TRABD2B: variants seen among roughly 807,000 people sequenced by gnomAD.
The protein encoded by TRABD2B is metalloprotease TIKI2.
Under a neutral mutation model 40.1 loss-of-function variants are expected in TRABD2B, and 14 were observed. The ratio of observed to expected loss-of-function variants is 0.35; its 90% CI spans 0.23 to 0.55. The LOEUF (loss-of-function observed/expected upper bound fraction) is 0.55. Among genes scored for constraint, TRABD2B ranks in the 20% least tolerant of loss-of-function variants. The probability of loss-of-function intolerance (pLI) is 0.90; values close to 1 mark genes in which losing one functional copy is unlikely to be tolerated. For missense variants in TRABD2B, 541 were observed against 648.6 expected (o/e 0.83, Z 1.80); for synonymous variants, 263 against 277.0 (o/e 0.95, Z 0.50).
intron 2 of TRABD2B, among the ~76,000 whole-genome samples, chr1:47,993,636 G>A (rs1352869765): frequency 2.0e-5 from 3 of 152,096 alleles, no homozygotes; most frequent in Non-Finnish European, 4.4e-5. Flanking sequence ...CTTGGGCACT[G>A]TCCACACACC....
At chr1:47,896,218 C>T (rs1373746100) in intron 2 of TRABD2B, among the ~76,000 whole-genome samples, 1 of 152,194 alleles carries the variant, frequency 6.6e-6, no homozygotes, top group Non-Finnish European at 1.5e-5. Context: ...CACAAAGGGA[C>T]ATTCACAGGA....
At chr1:47,918,642 T>C (rs774747693) in intron 2 of TRABD2B, among the ~76,000 whole-genome samples, 4 of 152,186 alleles carry the variant, frequency 2.6e-5, no homozygotes, top group Non-Finnish European at 5.9e-5. Context: ...CACGTGGAAC[T>C]GTGCACCCAG....
intron 2 of TRABD2B, among the ~76,000 whole-genome samples, chr1:47,913,485 C>T (rs572037487): frequency 6.6e-6 from 1 of 152,322 alleles, no homozygotes; most frequent in Admixed American, 6.5e-5. Context: ...TACCCAGTGC[C>T]TATTTTGCAC....
chr1:47,924,789 G>A (rs2124745697), intron 2 of TRABD2B, among the ~76,000 whole-genome samples: 1 of 152,312 alleles, frequency 6.6e-6, no homozygotes, highest in East Asian at 1.9e-4. Context: ...CTTCCTCTGG[G>A]GCCATCTAGG....
At chr1:47,933,090 A>C (rs983042358) in intron 2 of TRABD2B, among the ~76,000 whole-genome samples, 2 of 144,940 alleles carry the variant, frequency 1.4e-5, no homozygotes, top group African/African-American at 5.1e-5. Flanking sequence ...GCCCTCCGTG[A>C]GCCCCCATCT....
chr1:47,854,254 A>G (rs1643868031), intron 2 of TRABD2B, among the ~76,000 whole-genome samples: 1 of 152,188 alleles, frequency 6.6e-6, no homozygotes, highest in Non-Finnish European at 1.5e-5. Context: ...AGGGTCAGTC[A>G]TGCTACCTCT....
intron 2 of TRABD2B, among the ~76,000 whole-genome samples, chr1:47,816,889 C>A (rs12076330): frequency 0.31 from 47,452 of 152,076 alleles, 7,760 homozygotes; most frequent in Non-Finnish European, 0.37. Context: ...AAGTGACTTT[C>A]CTGAGGTCAC....
Position 47,894,722 on chromosome 1 carries a change from C to A in TRABD2B, c.667-93103G>T, listed in dbSNP as rs904446093. ...TGAGTGCTGGTAGTGAAGGAGGACA[C>A]TTCCAGTAGCAGAATGAACAAGCCA... On this transcript the variant is annotated intron_variant, in intron 2 of 6. Transcript: ENST00000606738. Among the ~76,000 whole-genome samples, 31 of 152,184 alleles carry A rather than the reference C, an allele frequency of 2.0e-4. 1 individual carries two copies. The highest frequency in any genetic ancestry group is 7.2e-4 in the African/African-American group (30 of 41,428).
At chr1:47,946,315 G>A (rs1645259446) in intron 2 of TRABD2B, among the ~76,000 whole-genome samples, 1 of 152,008 alleles carries the variant, frequency 6.6e-6, no homozygotes, top group Non-Finnish European at 1.5e-5. Context: ...AATTTGCTTT[G>A]TCTCTGATCT....
chr1:47,769,897 G>A (rs1295224772), intron 6 of TRABD2B, among the ~76,000 whole-genome samples: 1 of 152,172 alleles, frequency 6.6e-6, no homozygotes, highest in Admixed American at 6.5e-5. Flanking sequence ...ACAGACCCGT[G>A]GACTTTAAAA....
chr1:47,939,965 C>A (rs1051134181), intron 2 of TRABD2B, among the ~76,000 whole-genome samples: 1 of 152,314 alleles, frequency 6.6e-6, no homozygotes, highest in African/African-American at 2.4e-5. Flanking sequence ...CCTTGCAGAG[C>A]TCCCAATGCC....
At position 47,762,266 on chromosome 1, in the gene TRABD2B, G is replaced by A. The variant is rs1048549070; in HGVS notation, c.*3636C>T. 3.3e-5 allele frequency: 5 copies of A among 152,180 alleles called. No homozygotes were observed. The highest frequency in any genetic ancestry group is 9.7e-5 in the African/African-American group (4 of 41,414). The allele number at this position is 152,180 out of a possible 1,614,324, so 9.4% of individuals were successfully genotyped here. A position where few individuals can be genotyped will look rare whatever the true frequency, so the allele number is the denominator to read the frequency against. The stretch of plus-strand genomic sequence containing the variant: ...GAGACGTGGCTGGTCAGCAGGGTTG[G>A]GTCACGAAGGGTCTAGCGGACACTT... On this transcript the variant is annotated 3_prime_UTR_variant, in exon 7 of 7. Transcript: ENST00000606738.
chr1:47,906,475 G>C (rs137951537), intron 2 of TRABD2B, among the ~76,000 whole-genome samples: 10 of 152,340 alleles, frequency 6.6e-5, no homozygotes, highest in South Asian at 2.1e-4. Flanking sequence ...GCCTTTCTGA[G>C]AACCCAGGAA....
chr1:47,802,909 A>C (rs1408247055), intron 2 of TRABD2B, among the ~76,000 whole-genome samples: 1 of 152,154 alleles, frequency 6.6e-6, no homozygotes, highest in Non-Finnish European at 1.5e-5. Flanking sequence ...CTAGCTCTTG[A>C]GTAGAGCCTC....
chr1:47,819,910 C>G (rs1038830926), intron 2 of TRABD2B: 3 of 152,126 alleles, frequency 2.0e-5, no homozygotes, highest in Admixed American at 6.5e-5. Flanking sequence ...GTGGCTGGCA[C>G]CTTCTGCATG....
At chr1:47,969,093 A>G (rs1289181533) in intron 2 of TRABD2B, among the ~76,000 whole-genome samples, 1 of 152,218 alleles carries the variant, frequency 6.6e-6, no homozygotes, top group Admixed American at 6.5e-5. Flanking sequence ...CCAAGATTTC[A>G]GGAAGCCACT....
At chr1:47,990,768 GTTTTATATATATAT>G (rs1557699441) in intron 2 of TRABD2B, among the ~76,000 whole-genome samples, 2 of 44,934 alleles carry the variant, frequency 4.5e-5, no homozygotes, top group African/African-American at 1.1e-4. Flanking sequence ...TAAAACGTTG[GTTTTATATATATAT>G]ATATATATAT....
chr1:47,925,330 A>T (rs1253945437), intron 2 of TRABD2B, among the ~76,000 whole-genome samples: 1 of 152,248 alleles, frequency 6.6e-6, no homozygotes, highest in East Asian at 1.9e-4. Flanking sequence ...TTAAGGAATT[A>T]AATTGAAAAA....
rs146081547 is a variant in TRABD2B at position 47,993,893 on chromosome 1, C to A, written c.666+141G>T. On this transcript the variant is annotated intron_variant, in intron 2 of 6. Coordinates refer to ENST00000606738, the MANE Select transcript of TRABD2B (RefSeq NM_001194986.2). ...ACCAGAGCAGCCAGGTGCTGCCTCGCTGCCCAGCAGAACCTCTCCTTCCAG... is the reference window on the plus strand; with the variant it reads ...ACCAGAGCAGCCAGGTGCTGCCTCGATGCCCAGCAGAACCTCTCCTTCCAG... The A allele has an allele frequency of 7.6e-3, 6,355 of 841,488 alleles. 46 individuals carry two copies. The highest frequency in any genetic ancestry group is 0.02 in the South Asian group (1,085 of 55,402). 52.1% of individuals were successfully genotyped at this position (841,488 alleles called of 1,614,324 possible). A position where few individuals can be genotyped will look rare whatever the true frequency, so the allele number is the denominator to read the frequency against.
Sources: allele counts gnomAD v4.1 joint callset (sites outside exome capture counted in the v4.1 genomes callset), GRCh38; gene constraint gnomAD v4.1.1; transcripts MANE v1.5; gene names NCBI Gene and HGNC (gene_info 2026-07-23, HGNC 2026-07-21).